The following ROCK2 variants were observed in gnomAD, a reference collection of about 807,000 sequenced individuals.
ROCK2 encodes the protein rho-associated protein kinase 2.
In ROCK2, 61 loss-of-function variants were observed where a neutral mutation model predicts 195.1. That is an observed-to-expected ratio of 0.31 (90% confidence interval 0.25 to 0.39). The LOEUF (loss-of-function observed/expected upper bound fraction) is 0.39, where lower values mean the gene tolerates loss of function less well. Among genes scored for constraint, ROCK2 ranks in the 10% least tolerant of loss-of-function variants. The pLI, the probability that ROCK2 is intolerant of heterozygous loss-of-function variation, is 1.00. For synonymous variants in ROCK2, 504 were observed against 545.5 expected, an observed-to-expected ratio of 0.92 and a Z score of 1.06; for missense variants, 1,109 against 1,637.4, an observed-to-expected ratio of 0.68 and a Z score of 5.57.
rs576507106 is a variant in ROCK2, at chr2:11,235,121, T to C, written c.723+581A>G. 2.0e-5 allele frequency among the ~76,000 whole-genome samples: 3 copies of C among 152,230 alleles called. No individual in the cohort carries two copies. Among genetic ancestry groups the C allele is most frequent in the Admixed American group, 1.3e-4 (2 of 15,308 alleles). The stretch of plus-strand genomic sequence containing the variant: ...CTTACAGAGAAAAGGGCAAGATATA[T>C]AAATTTTACAACCAAAATAAATCAG... On this transcript the variant is annotated intron_variant, in intron 5 of 32. Coordinates refer to ENST00000315872, the MANE Select transcript of ROCK2 (RefSeq NM_004850.5). The surrounding 1 kb of genome is among the most constrained non-coding windows in gnomAD (Gnocchi z 4.2).
intron 5 of ROCK2, among the ~76,000 whole-genome samples, chr2:11,229,937 A>G (rs1393861465): frequency 1.3e-5 from 2 of 152,194 alleles, no homozygotes; most frequent in East Asian, 3.8e-4. Context: ...TACAAAAAAG[A>G]AAGGAGGGAG....
At chr2:11,247,348 AAGTC>A (rs1359667766) in intron 4 of ROCK2, among the ~76,000 whole-genome samples, 1 of 152,222 alleles carries the variant, frequency 6.6e-6, no homozygotes, top group Non-Finnish European at 1.5e-5. Flanking sequence ...AAATAAAAAT[AAGTC>A]AGTCACTTTG....
chr2:11,202,615 A>T (rs908658205), intron 20 of ROCK2, among the ~76,000 whole-genome samples: 4 of 152,026 alleles, frequency 2.6e-5, no homozygotes, highest in Admixed American at 2.0e-4. Context: ...CGCCTGCCTC[A>T]GCCTCCCGAG....
intron 1 of ROCK2, among the ~76,000 whole-genome samples, chr2:11,295,718 A>G (rs1667489998): frequency 1.3e-5 from 2 of 152,048 alleles, no homozygotes; most frequent in African/African-American, 4.8e-5. Flanking sequence ...ACTATTTGGG[A>G]GGCCAAGGAG....
intron 27 of ROCK2, among the ~76,000 whole-genome samples, chr2:11,196,086 C>A (rs1663624828): frequency 6.6e-6 from 1 of 152,080 alleles, no homozygotes; most frequent in Admixed American, 6.6e-5. Flanking sequence ...TACACAAATT[C>A]TCTTTAATCC....
chr2:11,214,365 A>C lies in ROCK2; in HGVS notation c.2035T>G (p.Leu679Val), dbSNP rs1664351272. 2 of 1,552,680 alleles carry C rather than the reference A, an allele frequency of 1.3e-6. No individual in the cohort carries two copies. The highest frequency in any genetic ancestry group is 1.8e-6 in the Non-Finnish European group (2 of 1,134,114). ...TATAAAACATGTTTTACCTTTTCCAAATCAGTAAATCTCTCCTGAAGTTGT... is the reference window on the plus strand; with the variant it reads ...TATAAAACATGTTTTACCTTTTCCACATCAGTAAATCTCTCCTGAAGTTGT... ...KRQLQERFTD[L>V]EKEKSNMEID... is the part of the protein sequence containing the mutation. Residue 679 changes from leucine (L) to valine (V), a missense_variant, in exon 17 of 33, where the codon TTG becomes GTG. By Grantham distance (32) the Leu-to-Val change is conservative (BLOSUM62 1). This residue lies in a region of ROCK2 where 542 missense variants were observed against 672.0 expected (regional missense o/e 0.81). Transcript: ENST00000315872.
chr2:11,344,084 G>A lies in ROCK2; in HGVS notation c.53C>T (p.Pro18Leu), dbSNP rs763387507. 5.2e-6 allele frequency: 8 copies of A among 1,544,842 alleles called. No homozygotes were observed. The highest frequency in any genetic ancestry group is 6.9e-6 in the Non-Finnish European group (8 of 1,151,208). The change falls in exon 1 of 33, where the codon CCG becomes CTG. Residue 18 changes from proline (P) to leucine (L), a missense_variant. By Grantham distance (98) the Pro-to-Leu change is moderately conservative. This residue lies in a region of ROCK2 where 64 missense variants were observed against 62.4 expected (regional missense o/e 1.03). Coordinates refer to ENST00000315872, the MANE Select transcript of ROCK2 (RefSeq NM_004850.5). This position sits in a 1 kb window ranked among gnomAD's most constrained non-coding sequence, Gnocchi z 5.4. ...GKMPGAPETA[P>L]GDGAGASRQR... ...GCGGCTCGCGCCTGCCCCGTCCCCC[G>A]GCGCGGTCTCGGGGGCGCCGGGCAT...
At chr2:11,261,331 A>T (rs1666218794) in intron 3 of ROCK2, among the ~76,000 whole-genome samples, 1 of 152,258 alleles carries the variant, frequency 6.6e-6, no homozygotes, top group African/African-American at 2.4e-5. Flanking sequence ...CTATTACTTT[A>T]GCAAAGCTGG....
intron 1 of ROCK2, among the ~76,000 whole-genome samples, chr2:11,342,126 C>A (rs1669125882): frequency 6.6e-6 from 1 of 152,044 alleles, no homozygotes; most frequent in Admixed American, 6.5e-5. Flanking sequence ...CACCAGGAAC[C>A]TTGCTCCAAA....
intron 1 of ROCK2, among the ~76,000 whole-genome samples, chr2:11,320,218 A>G (rs1399060372): frequency 6.6e-6 from 1 of 152,230 alleles, no homozygotes; most frequent in Non-Finnish European, 1.5e-5. Flanking sequence ...CTGCTTTAAA[A>G]AAATTTTTTT....
chr2:11,279,360 A>G (rs558915747), intron 3 of ROCK2, among the ~76,000 whole-genome samples: 1 of 152,246 alleles, frequency 6.6e-6, no homozygotes, highest in South Asian at 2.1e-4. Context: ...ACAATAATCA[A>G]AAGAAAGCAG....
chr2:11,239,089 TTTAAGAG>T (rs1483764996), intron 4 of ROCK2, among the ~76,000 whole-genome samples: 2 of 152,074 alleles, frequency 1.3e-5, no homozygotes, highest in East Asian at 1.9e-4. Flanking sequence ...TAGGCCTAAA[TTTAAGAG>T]TTAAAACTAC....
At position 11,201,089 on chromosome 2, in the gene ROCK2, T is replaced by C. The variant is rs768320831; in HGVS notation, c.2778A>G (p.Gln926=). 1 of 1,613,508 alleles carries C rather than the reference T, an allele frequency of 6.2e-7. No individual in the cohort carries two copies. Among genetic ancestry groups the C allele is most frequent in the Non-Finnish European group, 8.5e-7 (1 of 1,179,824 alleles). Residue 926 remains glutamine (Q), a synonymous_variant, in exon 23 of 33, where the codon CAA becomes CAG. Coordinates refer to ENST00000315872, the MANE Select transcript of ROCK2 (RefSeq NM_004850.5). This position sits in a 1 kb window ranked among gnomAD's most constrained non-coding sequence, Gnocchi z 4.6. ...GTTCTTCAGCAATTGAACGAGCCAG[T>C]TGCTCAGAATCTGCTTTGGTCAAGG... is the stretch of plus-strand genomic sequence containing the variant. ...EITLTKADSE[Q]LARSIAEEQY...
At chr2:11,231,120 A>G (rs536663639) in intron 5 of ROCK2, among the ~76,000 whole-genome samples, 2 of 152,234 alleles carry the variant, frequency 1.3e-5, no homozygotes, top group African/African-American at 2.4e-5. Flanking sequence ...TTAAAAAATT[A>G]TATCTTCTAT....
chr2:11,318,743 C>A (rs1668308208), intron 1 of ROCK2, among the ~76,000 whole-genome samples: 1 of 152,136 alleles, frequency 6.6e-6, no homozygotes, highest in Non-Finnish European at 1.5e-5. Flanking sequence ...AAATGACTAA[C>A]ATTTAAGTCT....
chr2:11,280,522 T>C (rs1322619556), intron 3 of ROCK2, among the ~76,000 whole-genome samples: 1 of 150,742 alleles, frequency 6.6e-6, no homozygotes, highest in Non-Finnish European at 1.5e-5. Flanking sequence ...TCTCAGCTAC[T>C]AGGAGGCTGG....
rs747503275 is a variant in ROCK2, at chr2:11,194,935, T to C, written c.3519+20A>G. Reference sequence around the variant, plus strand: ...AACAAAAACAAAAACAAAAGGCTCATATTCCAAAGTATCAATTACCTTTTT... The same window carrying C: ...AACAAAAACAAAAACAAAAGGCTCACATTCCAAAGTATCAATTACCTTTTT... On this transcript the variant is annotated intron_variant, in intron 28 of 32. Coordinates refer to ENST00000315872, the MANE Select transcript of ROCK2 (RefSeq NM_004850.5). 1.6e-5 allele frequency: 23 copies of C among 1,440,842 alleles called. No individual in the cohort carries two copies. The highest frequency in any genetic ancestry group is 1.8e-4 in the Middle Eastern group (1 of 5,618). 89.3% of individuals were successfully genotyped at this position (1,440,842 alleles called of 1,614,324 possible).
chr2:11,275,380 T>C (rs1299819592), intron 3 of ROCK2, among the ~76,000 whole-genome samples: 1 of 152,194 alleles, frequency 6.6e-6, no homozygotes, highest in Non-Finnish European at 1.5e-5. Flanking sequence ...CAGACCCTGG[T>C]TGACTGCGGG....
At chr2:11,302,747 G>A (rs1349816506) in intron 1 of ROCK2, among the ~76,000 whole-genome samples, 6 of 152,012 alleles carry the variant, frequency 3.9e-5, no homozygotes, top group East Asian at 3.8e-4. Context: ...TTAATAACTC[G>A]TTAATAATTT....
Sources: allele counts gnomAD v4.1 joint callset (sites outside exome capture counted in the v4.1 genomes callset), GRCh38; gene constraint gnomAD v4.1.1; regional missense constraint gnomAD v4.1.1; non-coding constraint Gnocchi (gnomAD v3.1); transcripts MANE v1.5; gene names NCBI Gene and HGNC (gene_info 2026-07-23, HGNC 2026-07-21).